PLCB4: variants seen among roughly 807,000 people sequenced by gnomAD.
PLCB4 encodes the protein 1-phosphatidylinositol 4,5-bisphosphate phosphodiesterase beta-4.
PLCB4 carries 77 observed loss-of-function variants against 178.8 expected under a neutral mutation model. The ratio of observed to expected loss-of-function variants is 0.43; its 90% CI spans 0.36 to 0.52. PLCB4 has a LOEUF of 0.52. Ranked by LOEUF, PLCB4 falls within the 20% of genes least tolerant of loss-of-function variation. The probability of loss-of-function intolerance (pLI) is 0.00; values close to 1 mark genes in which losing one functional copy is unlikely to be tolerated. For missense variants in PLCB4, 1,024 were observed against 1,453.4 expected, an observed-to-expected ratio of 0.70 and a Z score of 4.80; for synonymous variants, 496 against 490.8, an observed-to-expected ratio of 1.01 and a Z score of -0.14.
chr20:9,212,052 T>C (rs377628227), intron 2 of PLCB4, among the ~76,000 whole-genome samples: 2 of 152,230 alleles, frequency 1.3e-5, no homozygotes, highest in East Asian at 3.8e-4. Flanking sequence ...ACCATTTCTC[T>C]ATCTTTTGAA....
At chr20:9,241,389 TACACACAC>T (rs11470548) in intron 3 of PLCB4, among the ~76,000 whole-genome samples, 90 of 148,248 alleles carry the variant, frequency 6.1e-4, no homozygotes, top group Non-Finnish European at 8.6e-4. Context: ...CATGCATGCA[TACACACAC>T]ACACACACAC....
chr20:9,409,471 C>G (rs534533221), intron 24 of PLCB4, among the ~76,000 whole-genome samples: 1 of 152,192 alleles, frequency 6.6e-6, no homozygotes, highest in African/African-American at 2.4e-5. Flanking sequence ...CATTTTTCTT[C>G]CTTTTGGATC....
intron 30 of PLCB4, among the ~76,000 whole-genome samples, chr20:9,440,161 GA>G (rs1425396150): frequency 2.0e-5 from 3 of 152,306 alleles, no homozygotes; most frequent in Non-Finnish European, 2.9e-5. Context: ...ACTTATGACA[GA>G]GTTACATCCT....
At chr20:9,071,440 A>C (rs921782627) in intron 1 of PLCB4, among the ~76,000 whole-genome samples, 2 of 152,132 alleles carry the variant, frequency 1.3e-5, no homozygotes, top group Non-Finnish European at 2.9e-5. Context: ...CCTCTAAGTA[A>C]AATTGAGGTA....
At chr20:9,248,706 T>C (rs1253146908) in intron 3 of PLCB4, among the ~76,000 whole-genome samples, 1 of 152,226 alleles carries the variant, frequency 6.6e-6, no homozygotes, top group African/African-American at 2.4e-5. Context: ...TTCTAATTTA[T>C]TGAGTGTCAG....
rs760551309 is a variant in PLCB4 at position 9,476,727 on chromosome 20, C to A, written c.3506C>A (p.Ser1169Tyr). Residue 1169 changes from serine to tyrosine, a missense_variant, in exon 39 of 40, where the codon TCC becomes TAC. Ser to Tyr is a moderately radical substitution (Grantham distance 144). Transcript: ENST00000378473. ...TTTTTGTACAAACAGCTTTTGAAAT[C>A]CTGTCATGCAGTGTCCCAAACGCAA... ...LEKQNEQLLK[S>Y]CHAVSQTQGE... 6.2e-7 allele frequency: 1 copy of A among 1,608,818 alleles called. No homozygotes were observed. The highest frequency in any genetic ancestry group is 1.1e-5 in the South Asian group (1 of 90,850).
intron 4 of PLCB4, among the ~76,000 whole-genome samples, chr20:9,318,299 C>T (rs986804987): frequency 6.6e-6 from 1 of 151,500 alleles, no homozygotes; most frequent in African/African-American, 2.4e-5. Flanking sequence ...AGAGGAGGTG[C>T]GGGGTCTAGG....
intron 30 of PLCB4, among the ~76,000 whole-genome samples, chr20:9,437,546 G>C (rs778560979): frequency 2.6e-5 from 4 of 152,212 alleles, no homozygotes; most frequent in Non-Finnish European, 5.9e-5. Context: ...CTCATATTCA[G>C]CCAGTATGTA....
chr20:9,278,601 G>A (rs962971738), intron 3 of PLCB4, among the ~76,000 whole-genome samples: 1 of 152,012 alleles, frequency 6.6e-6, no homozygotes, highest in African/African-American at 2.4e-5. Flanking sequence ...TAGATGCTGG[G>A]CCCTATGCAT....
At position 9,359,583 on chromosome 20, in the gene PLCB4, G is replaced by C. The variant is rs534570738; in HGVS notation, c.370-3313G>C. Among the ~76,000 whole-genome samples, 9 of 152,306 alleles carry C rather than the reference G, an allele frequency of 5.9e-5. No individual in the cohort carries two copies. In the South Asian group the frequency reaches 1.9e-3, roughly 32 times the overall value. ...ATCAGAGCCGACCTCCTGTGGTCTG[G>C]TTCCCTAGCACCCAGGCTCAGGCTT... is the stretch of plus-strand genomic sequence containing the variant. On this transcript the variant is annotated intron_variant, in intron 7 of 39. Transcript: ENST00000378473.
intron 2 of PLCB4, among the ~76,000 whole-genome samples, chr20:9,151,570 A>G (rs887359329): frequency 2.6e-5 from 4 of 152,136 alleles, no homozygotes; most frequent in African/African-American, 4.8e-5. Flanking sequence ...TGCTGCTGCC[A>G]TGTTAGAAGT....
intron 2 of PLCB4, among the ~76,000 whole-genome samples, chr20:9,214,525 T>C (rs1235444764): frequency 2.7e-5 from 4 of 150,522 alleles, no homozygotes; most frequent in Admixed American, 6.7e-5. Context: ...CTTTGAAAGA[T>C]CAAAACACGT....
intron 2 of PLCB4, among the ~76,000 whole-genome samples, chr20:9,177,013 T>C (rs770973562): frequency 4.6e-5 from 7 of 151,992 alleles, no homozygotes; most frequent in Non-Finnish European, 1.0e-4. Context: ...GGAGCAACAA[T>C]GATGGACTGG....
chr20:9,145,480 C>T (rs1417608992), intron 2 of PLCB4, among the ~76,000 whole-genome samples: 1 of 150,962 alleles, frequency 6.6e-6, no homozygotes, highest in Admixed American at 6.6e-5. Context: ...AATGATCACT[C>T]TTATCCTGCT....
At chr20:9,358,838 G>A (rs893447292) in intron 7 of PLCB4, among the ~76,000 whole-genome samples, 2 of 152,164 alleles carry the variant, frequency 1.3e-5, no homozygotes, top group Non-Finnish European at 1.5e-5. Flanking sequence ...GGTAGAGGTT[G>A]CAGTGAACCG....
At chr20:9,211,198 G>A (rs771656123) in intron 2 of PLCB4, among the ~76,000 whole-genome samples, 4 of 152,086 alleles carry the variant, frequency 2.6e-5, no homozygotes, top group Non-Finnish European at 5.9e-5. Context: ...CTCTTATCTC[G>A]TCTCACTCTG....
At chr20:9,281,061 C>T (rs2094491207) in intron 3 of PLCB4, among the ~76,000 whole-genome samples, 1 of 151,806 alleles carries the variant, frequency 6.6e-6, no homozygotes, top group Non-Finnish European at 1.5e-5. Context: ...TTAGGAACTT[C>T]ACTTTTTCAA....
chr20:9,316,378 A>G (rs969450336), intron 4 of PLCB4, among the ~76,000 whole-genome samples: 1 of 152,156 alleles, frequency 6.6e-6, no homozygotes, highest in African/African-American at 2.4e-5. Flanking sequence ...TCTGATTGCT[A>G]TGGGAAGCCA....
intron 2 of PLCB4, among the ~76,000 whole-genome samples, chr20:9,124,969 C>T (rs1268409392): frequency 1.3e-5 from 2 of 152,004 alleles, no homozygotes; most frequent in African/African-American, 4.8e-5. Flanking sequence ...TTGAAGATTG[C>T]CCAGGAAATA....
Sources: gnomAD v4.1 joint callset for allele counts (sites outside exome capture counted in the v4.1 genomes callset) on GRCh38, gnomAD v4.1.1 for gene constraint, MANE v1.5 for transcripts, NCBI Gene and HGNC (gene_info 2026-07-23, HGNC 2026-07-21) for gene names.